Variants in CACNG6 observed in about 807,000 individuals in gnomAD.
CACNG6 encodes the protein calcium voltage-gated channel auxiliary subunit gamma 6, also known as voltage-dependent calcium channel gamma-6 subunit.
Under a neutral mutation model 23.9 loss-of-function variants are expected in CACNG6, and 21 were observed. The ratio of observed to expected loss-of-function variants is 0.88; its 90% CI spans 0.62 to 1.26. The LOEUF is 1.26. Ranked by LOEUF, CACNG6 falls within the 50% of genes most tolerant of loss-of-function variation. The probability of loss-of-function intolerance (pLI) is 0.00; values close to 1 mark genes in which losing one functional copy is unlikely to be tolerated. For synonymous variants in CACNG6, 182 were observed against 168.9 expected (o/e 1.08, Z -0.60); for missense variants, 340 against 352.9 (o/e 0.96, Z 0.29).
intron 3 of CACNG6, among the ~76,000 whole-genome samples, 163 bp downstream of exon 3, chr19:53,999,934 A>G (rs539230058): frequency 6.6e-6 from 1 of 152,048 alleles, no homozygotes; most frequent in Admixed American, 6.6e-5. Flanking sequence ...ACACTGTTGC[A>G]TGCTGGGAGT....
intron 2 of CACNG6, among the ~76,000 whole-genome samples, chr19:53,999,208 C>T (rs111226466): frequency 2.9e-4 from 44 of 152,252 alleles, no homozygotes; most frequent in African/African-American, 1.1e-3. Flanking sequence ...GCCTAAATTC[C>T]TACTGGAATC....
chr19:54,003,745 G>C (rs985200882), intron 3 of CACNG6, among the ~76,000 whole-genome samples: 1 of 152,086 alleles, frequency 6.6e-6, no homozygotes, highest in African/African-American at 2.4e-5. Context: ...TCCAAGCCAC[G>C]GCTATATTTC....
At chr19:53,995,947 C>G (rs540607919) in intron 1 of CACNG6, among the ~76,000 whole-genome samples, 1 of 152,316 alleles carries the variant, frequency 6.6e-6, no homozygotes, top group Non-Finnish European at 1.5e-5. Flanking sequence ...CAGGCATGAG[C>G]CACCACGCGC....
chr19:54,010,074 G>C (rs1175775433), intron 3 of CACNG6, among the ~76,000 whole-genome samples: 3 of 129,658 alleles, frequency 2.3e-5, no homozygotes, highest in Admixed American at 8.7e-5. Flanking sequence ...AGGCTGGAGT[G>C]CAATGGCGTG....
At chr19:54,009,786 A>T (rs868330773) in intron 3 of CACNG6, among the ~76,000 whole-genome samples, 6,289 of 147,632 alleles carry the variant, frequency 0.043, 474 homozygotes, top group African/African-American at 0.15. Context: ...CTTTTTTTAA[A>T]AAAAAAAAAT....
At chr19:54,002,989 G>A (rs1483481276) in intron 3 of CACNG6, among the ~76,000 whole-genome samples, 1 of 152,176 alleles carries the variant, frequency 6.6e-6, no homozygotes, top group African/African-American at 2.4e-5. Context: ...ACAGAAATGA[G>A]ATAAAGAGAC....
intron 3 of CACNG6, among the ~76,000 whole-genome samples, chr19:54,006,517 C>CTTTCTTTTTTTTTTTT (rs2069646652): frequency 9.3e-6 from 1 of 107,332 alleles, no homozygotes; most frequent in Admixed American, 1.1e-4. Context: ...TTCCTTCTTT[C>CTTTCTTTTTTTTTTTT]TTTTCTTTTT....
At chr19:53,999,862 C>A in intron 3 of CACNG6, 91 bp downstream of exon 3, 1 of 1,453,614 alleles carries the variant, frequency 6.9e-7, no homozygotes, top group Non-Finnish European at 9.4e-7. Flanking sequence ...TCTCTATGCA[C>A]TGTTGCACGC....
At chr19:53,991,160 G>A (rs1971693112), upstream of CACNG6, among the ~76,000 whole-genome samples, 2 of 150,006 alleles carry the variant, frequency 1.3e-5, no homozygotes, top group Admixed American at 1.3e-4. Flanking sequence ...CAGGACCTAG[G>A]AGACCAGGTT....
chr19:54,008,934 A>G (rs2069675163), intron 3 of CACNG6, among the ~76,000 whole-genome samples: 1 of 152,224 alleles, frequency 6.6e-6, no homozygotes, highest in South Asian at 2.1e-4. Flanking sequence ...GGCAGTGTGT[A>G]AAGATTTCTT....
At position 53,998,237 on chromosome 19, in the gene CACNG6, A is replaced by G. The variant is rs200494673; in HGVS notation, c.332-2A>G. 133 of 1,613,556 alleles carry G rather than the reference A, an allele frequency of 8.2e-5. 1 individual carries two copies. In the East Asian group the frequency reaches 2.9e-3, roughly 35 times the overall value. ...TCTGTTTTCTCTCTCCTGCTCCCAC[A>G]GAAGCAAACTGCACCTATTTTAAAT... On this transcript the variant is annotated splice_acceptor_variant, in intron 1 of 3. Coordinates refer to ENST00000252729, the MANE Select transcript of CACNG6 (RefSeq NM_145814.2). LOFTEE classifies it high-confidence loss of function.
Position 53,992,884 on chromosome 19 carries a change from T to C in CACNG6, c.7T>C (p.Trp3Arg). 1 of 1,396,500 alleles carries C rather than the reference T, an allele frequency of 7.2e-7. No homozygotes were observed. The highest frequency in any genetic ancestry group is 9.3e-7 in the Non-Finnish European group (1 of 1,076,146). 86.5% of individuals were successfully genotyped at this position (1,396,500 alleles called of 1,614,324 possible). A position where few individuals can be genotyped will look rare whatever the true frequency, so the allele number is the denominator to read the frequency against. The change falls in exon 1 of 4, where the codon TGG becomes CGG. Residue 3 changes from tryptophan (W) to arginine (R), a missense_variant. Trp to Arg is a moderately radical substitution (Grantham distance 101). Transcript: ENST00000252729. This position sits in a 1 kb window ranked among gnomAD's most constrained non-coding sequence, Gnocchi z 4.1. MM[W>R]SNFFLQEENR... is the part of the protein sequence containing the mutation. ...CGACCCCACCGGCCATAAGATGATG[T>C]GGTCCAACTTCTTCCTGCAAGAGGA...
At position 53,991,755 on chromosome 19, in the gene CACNG6, C is replaced by T. The variant is rs1041976476; in HGVS notation, c.-1123C>T. Reference sequence around the variant, plus strand: ...CCTGCTCGGGAGTCGGGGGTGGGAGCCCCGAGGGGGGGCCCTGGCCTGGGG... The same window carrying T: ...CCTGCTCGGGAGTCGGGGGTGGGAGTCCCGAGGGGGGGCCCTGGCCTGGGG... On this transcript the variant is annotated 5_prime_UTR_variant, in exon 1 of 4. Transcript: ENST00000252729. Among the ~76,000 whole-genome samples, 4 of 152,008 alleles carry T rather than the reference C, an allele frequency of 2.6e-5. No homozygotes were observed. Among genetic ancestry groups the T allele is most frequent in the Non-Finnish European group, 5.9e-5 (4 of 67,954 alleles).
At chr19:54,006,517 C>CTTTTTTTTTT (rs1236056716) in intron 3 of CACNG6, among the ~76,000 whole-genome samples, 11 of 107,330 alleles carry the variant, frequency 1.0e-4, no homozygotes, top group African/African-American at 2.6e-4. Flanking sequence ...TTCCTTCTTT[C>CTTTTTTTTTT]TTTTCTTTTT....
At position 53,993,112 on chromosome 19, in the gene CACNG6, G is replaced by A; in HGVS notation, c.235G>A (p.Ala79Thr). The change falls in exon 1 of 4, where the codon GCC becomes ACC. Residue 79 changes from alanine (A) to threonine (T), a missense_variant. By Grantham distance (58) the Ala-to-Thr change is moderately conservative (BLOSUM62 0). Coordinates refer to ENST00000252729, the MANE Select transcript of CACNG6 (RefSeq NM_145814.2). Reference sequence around the variant, plus strand: ...CAACGGCAGCGCCGTGTGCGAAGCGGCCCACCTGGGGCTGTGGAAGGCGTG... The same window carrying A: ...CAACGGCAGCGCCGTGTGCGAAGCGACCCACCTGGGGCTGTGGAAGGCGTG... ...KANGSAVCEA[A>T]HLGLWKACTK... is the part of the protein sequence containing the mutation. 1.8e-5 allele frequency: 28 copies of A among 1,547,034 alleles called. No homozygotes were observed. The highest frequency in any genetic ancestry group is 2.4e-5 in the Non-Finnish European group (28 of 1,145,446).
chr19:54,010,516 T>C (rs1305530627), intron 3 of CACNG6, among the ~76,000 whole-genome samples: 1 of 152,106 alleles, frequency 6.6e-6, no homozygotes, highest in Non-Finnish European at 1.5e-5. Context: ...TGTGGGAAAA[T>C]GTGCTAAACA....
chr19:53,999,593 C>T (rs776195265), intron 2 of CACNG6, 41 bp from the exon 3 acceptor site: 2 of 1,603,444 alleles, frequency 1.2e-6, no homozygotes, highest in East Asian at 2.2e-5. Context: ...TCATTCCCTA[C>T]ATCCCATGTT....
At chr19:53,995,143 A>G (rs2069507989) in intron 1 of CACNG6, among the ~76,000 whole-genome samples, 1 of 151,978 alleles carries the variant, frequency 6.6e-6, no homozygotes, top group Admixed American at 6.6e-5. Context: ...CTTCTCAACA[A>G]CTGCATTATA....
At chr19:54,001,892 A>G (rs1216632034) in intron 3 of CACNG6, among the ~76,000 whole-genome samples, 1 of 152,186 alleles carries the variant, frequency 6.6e-6, no homozygotes, top group Non-Finnish European at 1.5e-5. Flanking sequence ...CTTAACAGCC[A>G]TGTAATTGGG....
Sources: gnomAD v4.1 joint callset for allele counts (sites outside exome capture counted in the v4.1 genomes callset) on GRCh38, gnomAD v4.1.1 for gene constraint, Gnocchi (gnomAD v3.1) non-coding constraint, MANE v1.5 for transcripts, NCBI Gene and HGNC (gene_info 2026-07-23, HGNC 2026-07-21) for gene names.